PAG1: variants seen among roughly 807,000 people sequenced by gnomAD.
PAG1 encodes the protein phosphoprotein associated with glycosphingolipid-enriched microdomains 1.
In PAG1, 23 loss-of-function variants were observed where a neutral mutation model predicts 31.7. The ratio of observed to expected loss-of-function variants is 0.73; its 90% CI spans 0.52 to 1.03. The LOEUF (loss-of-function observed/expected upper bound fraction) is 1.03. Ranked by LOEUF, PAG1 falls within the 50% of genes least tolerant of loss-of-function variation. The pLI is 0.00. For missense variants in PAG1, 473 were observed against 540.7 expected (o/e 0.87, Z 1.24); for synonymous variants, 214 against 210.3 (o/e 1.02, Z -0.15).
At position 80,976,608 on chromosome 8, in the gene PAG1, G is replaced by T; in HGVS notation, c.1235C>A (p.Pro412Gln). The change falls in exon 9 of 9, where the codon CCA (proline) becomes CAA (glutamine). Residue 412 changes from proline (P) to glutamine (Q), a missense_variant. Coordinates refer to ENST00000220597, the MANE Select transcript of PAG1 (RefSeq NM_018440.4). ...TATGCTCTCGTAGTCGTTCTCCTTT[G>T]GGACGAGACCGTGGTGGCCATTGGT... ...LGTNGHHGLV[P>Q]KENDYESISD... is the part of the protein sequence containing the mutation. 1 of 1,614,030 alleles carries T rather than the reference G, an allele frequency of 6.2e-7. No homozygotes were observed.
chr8:81,098,213 C>T (rs767230381), intron 1 of PAG1, among the ~76,000 whole-genome samples: 29 of 152,190 alleles, frequency 1.9e-4, no homozygotes, highest in Admixed American at 3.9e-4. Context: ...TTAAAACAGA[C>T]GTGAAATTTA....
chr8:81,054,457 G>A (rs959335382), intron 2 of PAG1, among the ~76,000 whole-genome samples: 30 of 152,066 alleles, frequency 2.0e-4, no homozygotes, highest in African/African-American at 2.9e-4. Context: ...GGCGGATCAC[G>A]AGGTCAGGAG....
intron 2 of PAG1, among the ~76,000 whole-genome samples, chr8:81,041,329 A>G (rs2252723): frequency 0.19 from 29,217 of 152,134 alleles, 2,883 homozygotes; most frequent in Middle Eastern, 0.27. Flanking sequence ...TAGCCAAACT[A>G]ACCTCAGACC....
intron 1 of PAG1, among the ~76,000 whole-genome samples, chr8:81,083,328 T>C (rs1809299100): frequency 1.3e-5 from 2 of 152,080 alleles, no homozygotes; most frequent in Admixed American, 6.5e-5. Context: ...TGTTAGGAGT[T>C]GGGGAGGGTA....
chr8:81,090,146 T>C (rs6985240), intron 1 of PAG1, among the ~76,000 whole-genome samples: 23,102 of 152,162 alleles, frequency 0.15, 5,185 homozygotes, highest in African/African-American at 0.49. Flanking sequence ...AGCCATGACA[T>C]GTCCCACAAT....
chr8:81,050,312 C>T (rs114927828), intron 2 of PAG1, among the ~76,000 whole-genome samples: 6,977 of 152,158 alleles, frequency 0.046, 304 homozygotes, highest in African/African-American at 0.11. Flanking sequence ...ATTAGTCTAC[C>T]TCATTCATAT....
intron 5 of PAG1, among the ~76,000 whole-genome samples, chr8:80,989,474 G>A (rs1223946522): frequency 2.0e-5 from 3 of 152,150 alleles, no homozygotes; most frequent in African/African-American, 7.2e-5. Context: ...AGGAGAGCTG[G>A]GTGGGCGAGC....
rs991225759 is a variant in PAG1, at chr8:80,968,723, G to A, written c.*7821C>T. 1 of 152,106 alleles carries A rather than the reference G, an allele frequency of 6.6e-6. No individual in the cohort carries two copies. The highest frequency in any genetic ancestry group is 1.5e-5 in the Non-Finnish European group (1 of 68,026). The allele number at this position is 152,106 out of a possible 1,614,324, so 9.4% of individuals were successfully genotyped here. On this transcript the variant is annotated 3_prime_UTR_variant, in exon 9 of 9. Transcript: ENST00000220597. ...AGTCACCTACTCAATTATAGCTCTA[G>A]TAGCCATATTATATTATCTACAAAC...
At chr8:81,101,890 T>C (rs1165700901) in intron 1 of PAG1, among the ~76,000 whole-genome samples, 1 of 152,154 alleles carries the variant, frequency 6.6e-6, no homozygotes, top group Admixed American at 6.5e-5. Flanking sequence ...GAAAATTTAA[T>C]TACTTTTTAG....
At chr8:81,036,680 C>A (rs1808466551) in intron 2 of PAG1, among the ~76,000 whole-genome samples, 1 of 152,182 alleles carries the variant, frequency 6.6e-6, no homozygotes, top group Non-Finnish European at 1.5e-5. Flanking sequence ...TCCTCGGATT[C>A]TTGTTTTCAT....
At chr8:81,027,989 C>G (rs1563634827) in intron 3 of PAG1, among the ~76,000 whole-genome samples, 1 of 152,086 alleles carries the variant, frequency 6.6e-6, no homozygotes, top group Non-Finnish European at 1.5e-5. Context: ...GACGAGGGTC[C>G]CCCACAGCTG....
rs1807392919 is a variant in PAG1 at position 80,985,228 on chromosome 8, C to T, written c.424G>A (p.Val142Met). The part of the protein sequence containing the change: ...ELPRIPPESA[V>M]DTMLTARSVD... ...CTTCTCGCCGTGAGCATGGTATCCA[C>T]TGCGCTCTCGGGAGGGATTCTGGGC... The change falls in exon 7 of 9, where the codon GTG becomes ATG. Residue 142 changes from valine (V) to methionine (M), a missense_variant. Coordinates refer to ENST00000220597, the MANE Select transcript of PAG1 (RefSeq NM_018440.4). 6.2e-7 allele frequency: 1 copy of T among 1,614,078 alleles called. No individual in the cohort carries two copies. Among genetic ancestry groups the T allele is most frequent in the African/African-American group, 1.3e-5 (1 of 74,922 alleles).
intron 1 of PAG1, among the ~76,000 whole-genome samples, chr8:81,077,831 T>C (rs2131002147): frequency 6.6e-6 from 1 of 152,328 alleles, no homozygotes; most frequent in Middle Eastern, 3.4e-3. Context: ...TGACCTGTGT[T>C]CCATCATTTC....
chr8:80,989,381 C>T (rs1376571294), intron 5 of PAG1, among the ~76,000 whole-genome samples: 2 of 152,128 alleles, frequency 1.3e-5, no homozygotes, highest in African/African-American at 4.8e-5. Flanking sequence ...ATAATCTAGA[C>T]TCTAACTACT....
At chr8:81,052,571 T>G (rs189806297) in intron 2 of PAG1, among the ~76,000 whole-genome samples, 104 of 152,356 alleles carry the variant, frequency 6.8e-4, no homozygotes, top group Non-Finnish European at 1.4e-3. Context: ...GATCAAAATA[T>G]AGCTTTAAAA....
At chr8:81,040,034 T>C (rs1333999438) in intron 2 of PAG1, among the ~76,000 whole-genome samples, 1 of 152,188 alleles carries the variant, frequency 6.6e-6, no homozygotes, top group Admixed American at 6.5e-5. Flanking sequence ...TGGGACACAG[T>C]ATCTTAAGAC....
intron 2 of PAG1, among the ~76,000 whole-genome samples, chr8:81,033,839 C>A (rs1263168433): frequency 6.6e-6 from 1 of 152,224 alleles, no homozygotes; most frequent in African/African-American, 2.4e-5. Flanking sequence ...TGACAGATGG[C>A]CTGGGCTGAG....
intron 3 of PAG1, among the ~76,000 whole-genome samples, chr8:81,001,229 G>A (rs1169172925): frequency 2.0e-5 from 3 of 152,234 alleles, no homozygotes; most frequent in African/African-American, 7.2e-5. Context: ...GCTGGGCTAA[G>A]CCCCAGGAGG....
chr8:81,051,506 A>G (rs1808727675), intron 2 of PAG1, among the ~76,000 whole-genome samples: 1 of 152,252 alleles, frequency 6.6e-6, no homozygotes, highest in Non-Finnish European at 1.5e-5. Flanking sequence ...ACATCAGAAG[A>G]GACCTAATTT....
Sources: allele counts gnomAD v4.1 joint callset (sites outside exome capture counted in the v4.1 genomes callset), GRCh38; gene constraint gnomAD v4.1.1; transcripts MANE v1.5; gene names NCBI Gene and HGNC (gene_info 2026-07-23, HGNC 2026-07-21).